ABCA12: variants seen among roughly 807,000 people sequenced by gnomAD.
ABCA12 encodes ATP binding cassette subfamily A member 12.
A neutral mutation model predicts 293.5 loss-of-function variants in ABCA12; 156 were observed. The ratio of observed to expected loss-of-function variants is 0.53; its 90% CI spans 0.47 to 0.61. The LOEUF (loss-of-function observed/expected upper bound fraction) is 0.61, where lower values mean the gene tolerates loss of function less well. ABCA12 is among the 20% of genes least tolerant of loss of function. The probability of loss-of-function intolerance (pLI) is 0.00; values close to 1 mark genes in which losing one functional copy is unlikely to be tolerated. For synonymous variants in ABCA12, 1,063 were observed against 1,108.0 expected, an observed-to-expected ratio of 0.96 and a Z score of 0.81; for missense variants, 2,797 against 3,090.2, an observed-to-expected ratio of 0.91 and a Z score of 2.25.
Position 214,986,621 on chromosome 2 carries a change from C to G in ABCA12, c.4084G>C (p.Asp1362His). 6.2e-7 allele frequency: 1 copy of G among 1,614,032 alleles called. No individual in the cohort carries two copies. Among genetic ancestry groups the G allele is most frequent in the Non-Finnish European group, 8.5e-7 (1 of 1,179,986 alleles). Residue 1362 changes from aspartate to histidine, a missense_variant, in exon 28 of 53, where the codon GAT (aspartate) becomes CAT (histidine). Asp to His is a moderately conservative substitution (Grantham distance 81, BLOSUM62 -1). Coordinates refer to ENST00000272895, the MANE Select transcript of ABCA12 (RefSeq NM_173076.3). ...TKIYGSKVAV[D>H]NLNLNFYEGH... ...TCATAAAAGTTCAGATTGAGGTTAT[C>G]AACAGCAACTTTTGAGCCATAGATC... is the stretch of plus-strand genomic sequence containing the variant.
chr2:215,018,156 G>C (rs1489437508), intron 13 of ABCA12, 24 bp from the exon 14 acceptor site: 1 of 1,605,490 alleles, frequency 6.2e-7, no homozygotes, highest in South Asian at 1.1e-5. Context: ...AATGTAAAAA[G>C]AAAACCCATG....
intron 7 of ABCA12, chr2:215,044,394 T>C (rs548079558): frequency 6.6e-6 from 1 of 152,278 alleles, no homozygotes; most frequent in African/African-American, 2.4e-5. Flanking sequence ...CTGAATATTA[T>C]TGACTCTTTT....
rs768440563 is a variant in ABCA12 at position 214,934,052 on chromosome 2, C to G, written c.7680+26G>C. On this transcript the variant is annotated intron_variant, in intron 52 of 52. Transcript: ENST00000272895. Reference sequence around the variant, plus strand: ...AATAATATTAATATGTGACGTTGTGCACATGGATCGTGGTATATATCTTAC... The same window carrying G: ...AATAATATTAATATGTGACGTTGTGGACATGGATCGTGGTATATATCTTAC... 32 of 1,607,914 alleles carry G rather than the reference C, an allele frequency of 2.0e-5. No homozygotes were observed. In the South Asian group the frequency reaches 3.4e-4, roughly 17 times the overall value.
At chr2:214,994,995 G>T (rs928379410) in intron 23 of ABCA12, among the ~76,000 whole-genome samples, 5 of 152,124 alleles carry the variant, frequency 3.3e-5, no homozygotes, top group African/African-American at 1.2e-4. Flanking sequence ...TTCTGTATAT[G>T]TTATAAAATC....
At chr2:214,979,307 C>T (rs1012867870) in intron 31 of ABCA12, among the ~76,000 whole-genome samples, 2 of 152,012 alleles carry the variant, frequency 1.3e-5, no homozygotes, top group Non-Finnish European at 2.9e-5. Flanking sequence ...TGCTAGAGGG[C>T]TTTGGGTTCA....
chr2:214,958,667 G>A lies in ABCA12; in HGVS notation c.5940-213C>T, dbSNP rs192227212. Among the ~76,000 whole-genome samples, 298 of 152,182 alleles carry A rather than the reference G, an allele frequency of 2.0e-3. 2 individuals are homozygous for A. Among genetic ancestry groups the A allele is most frequent in the Admixed American group, 0.019 (284 of 15,276 alleles). On this transcript the variant is annotated intron_variant, in intron 40 of 52. Transcript: ENST00000272895. ...GTTCTAGTGCATCTGAATTGACTAGGGATATTTGATAGAAAAACCTCGGTC... is the reference window on the plus strand; with the variant it reads ...GTTCTAGTGCATCTGAATTGACTAGAGATATTTGATAGAAAAACCTCGGTC...
chr2:215,044,575 C>T (rs2106047109), intron 7 of ABCA12: 1 of 152,232 alleles, frequency 6.6e-6, no homozygotes, highest in East Asian at 1.9e-4. Flanking sequence ...ATCAAACTTC[C>T]TAATATCTTG....
intron 1 of ABCA12, among the ~76,000 whole-genome samples, chr2:215,114,123 T>G (rs1297892511): frequency 1.3e-5 from 2 of 152,076 alleles, no homozygotes; most frequent in South Asian, 2.1e-4. Flanking sequence ...TACAGGCACA[T>G]GCCACCATGC....
intron 2 of ABCA12, among the ~76,000 whole-genome samples, chr2:215,074,681 C>T (rs1307356859): frequency 7.9e-5 from 12 of 152,118 alleles, no homozygotes; most frequent in South Asian, 2.1e-4. Context: ...TGGAGGCTCA[C>T]GCCTGTAATC....
chr2:215,079,705 C>A (rs1575029845), intron 2 of ABCA12, among the ~76,000 whole-genome samples: 1 of 113,668 alleles, frequency 8.8e-6, no homozygotes, highest in Admixed American at 9.5e-5. Context: ...TCCCCCTGGG[C>A]ATCAGACTCT....
chr2:215,116,435 G>A (rs991491650), intron 1 of ABCA12, among the ~76,000 whole-genome samples: 1 of 152,144 alleles, frequency 6.6e-6, no homozygotes, highest in African/African-American at 2.4e-5. Context: ...TTGCTTGATT[G>A]ATATAGATAG....
chr2:215,121,328 A>G (rs1347719025), intron 1 of ABCA12, among the ~76,000 whole-genome samples: 2 of 152,226 alleles, frequency 1.3e-5, no homozygotes, highest in African/African-American at 4.8e-5. Flanking sequence ...ATTGAAAGTC[A>G]TTTAAAGGAC....
intron 30 of ABCA12, among the ~76,000 whole-genome samples, chr2:214,981,972 A>T (rs1303944766): frequency 0.078 from 9,914 of 126,676 alleles, 633 homozygotes; most frequent in Admixed American, 0.14. Flanking sequence ...TATTATTATT[A>T]TTATTATTAT....
intron 1 of ABCA12, among the ~76,000 whole-genome samples, chr2:215,137,764 A>G (rs1274657463): frequency 6.6e-6 from 1 of 152,188 alleles, no homozygotes; most frequent in African/African-American, 2.4e-5. Context: ...CATTTATTGT[A>G]CATTTCAAAT....
In ABCA12 at chr2:214,986,683, T is replaced by A. The variant is rs1443306448; in HGVS notation, c.4022A>T (p.Asp1341Val). Residue 1341 changes from aspartate to valine, a missense_variant, in exon 28 of 53, where the codon GAT becomes GTT. Asp to Val is a radical substitution (Grantham distance 152, BLOSUM62 -3). Coordinates refer to ENST00000272895, the MANE Select transcript of ABCA12 (RefSeq NM_173076.3). ...FSSNIEPEPK[D>V]LTVGVALHGV... is the part of the protein sequence containing the mutation. ...ATGCAGGGCAACCCCGACTGTGAGA[T>A]CTTTAGGTTCAGGCTCGATGTTAGA... 1.2e-5 allele frequency: 20 copies of A among 1,614,112 alleles called. No homozygotes were observed. Among genetic ancestry groups the A allele is most frequent in the Non-Finnish European group, 1.6e-5 (19 of 1,179,988 alleles).
rs1699509621 is a variant in ABCA12 at position 214,976,041 on chromosome 2, A to C, written c.5129-4T>G. The C allele has an allele frequency of 1.2e-6, 2 of 1,614,030 alleles. No homozygotes were observed. The highest frequency in any genetic ancestry group is 1.7e-6 in the Non-Finnish European group (2 of 1,179,960). On this transcript the variant is annotated splice_polypyrimidine_tract_variant and splice_region_variant and intron_variant, in intron 33 of 52. Transcript: ENST00000272895. ...TCTCCTCTTGTCAGGATTTTGTCTG[A>C]TTAAGAAAAAGAGATTGGATATGGT...
intron 51 of ABCA12, among the ~76,000 whole-genome samples, chr2:214,935,044 A>G (rs549512666): frequency 5.3e-5 from 8 of 152,198 alleles, no homozygotes; most frequent in Admixed American, 4.6e-4. Context: ...TTCTTATTCC[A>G]GAATCTACCC....
intron 41 of ABCA12, 100 bp downstream of exon 41, chr2:214,958,177 A>G: frequency 2.0e-6 from 3 of 1,485,374 alleles, no homozygotes; most frequent in Admixed American, 1.7e-5. Flanking sequence ...TGTGATAACA[A>G]TTTGAACAAA....
chr2:215,068,894 G>T, intron 2 of ABCA12, among the ~76,000 whole-genome samples: 1 of 152,138 alleles, frequency 6.6e-6, no homozygotes, highest in Non-Finnish European at 1.5e-5. Flanking sequence ...CTAGAGAAGT[G>T]CTATTTTCTA....
Sources: gnomAD v4.1 joint callset for allele counts (sites outside exome capture counted in the v4.1 genomes callset) on GRCh38, gnomAD v4.1.1 for gene constraint, MANE v1.5 for transcripts, NCBI Gene and HGNC (gene_info 2026-07-23, HGNC 2026-07-21) for gene names.